Variants in HELZ observed in about 807,000 individuals in gnomAD.
HELZ encodes the protein helicase with zinc finger, also known as ATP-dependent RNA helicase with zinc finger domain.
HELZ carries 23 observed loss-of-function variants against 218.2 expected under a neutral mutation model. The observed-to-expected ratio is 0.11, with a 90% CI of 0.08 to 0.15. HELZ has a LOEUF of 0.15. Ranked by LOEUF, HELZ falls within the 10% of genes least tolerant of loss-of-function variation. The probability of loss-of-function intolerance (pLI) is 1.00; values close to 1 mark genes in which losing one functional copy is unlikely to be tolerated. For synonymous variants in HELZ, 814 were observed against 829.4 expected (o/e 0.98, Z 0.32); for missense variants, 1,813 against 2,353.7 (o/e 0.77, Z 4.75).
At chr17:67,152,764 A>AT (rs1238515826) in intron 17 of HELZ, among the ~76,000 whole-genome samples, 15 of 102,746 alleles carry the variant, frequency 1.5e-4, no homozygotes, top group Middle Eastern at 4.9e-3. Flanking sequence ...ATAAGAGTAG[A>AT]TTTAAAAAAA....
intron 12 of HELZ, among the ~76,000 whole-genome samples, chr17:67,183,882 A>G (rs1386641349): frequency 1.3e-5 from 2 of 152,126 alleles, no homozygotes; most frequent in African/African-American, 2.4e-5. Flanking sequence ...AAAAAGCAAA[A>G]CTAAAGTCAC....
At position 67,218,558 on chromosome 17, in the gene HELZ, A is replaced by G. The variant is rs190918917; in HGVS notation, c.210+37T>C. 19 of 1,484,716 alleles carry G rather than the reference A, an allele frequency of 1.3e-5. 1 individual carries two copies. The Middle Eastern group carries it at 5.1e-4, about 40-fold the overall frequency. The allele number at this position is 1,484,716 out of a possible 1,614,324, so 92.0% of individuals were successfully genotyped here. A position where few individuals can be genotyped will look rare whatever the true frequency, so the allele number is the denominator to read the frequency against. On this transcript the variant is annotated intron_variant, in intron 4 of 32. Transcript: ENST00000358691. ...CCCTCAATGAAAAAGGCCATTTTAC[A>G]TAGTTCAGCATTGGCTTATTGACAG...
chr17:67,147,432 C>T (rs2038534042), intron 20 of HELZ, among the ~76,000 whole-genome samples: 1 of 152,144 alleles, frequency 6.6e-6, no homozygotes, highest in Admixed American at 6.5e-5. Context: ...TCCTGCCTTC[C>T]TTTCACCTGC....
chr17:67,178,083 TCTAA>T (rs771522887), intron 13 of HELZ, among the ~76,000 whole-genome samples: 16 of 152,294 alleles, frequency 1.1e-4, no homozygotes, highest in South Asian at 2.1e-4. Flanking sequence ...CTTCCCTCAC[TCTAA>T]CTTTCTTTTC....
chr17:67,093,212 G>T (rs2036627639), intron 31 of HELZ, among the ~76,000 whole-genome samples: 1 of 152,102 alleles, frequency 6.6e-6, no homozygotes, highest in Non-Finnish European at 1.5e-5. Context: ...AAAGGAAAAA[G>T]CTCAGAATAA....
intron 12 of HELZ, among the ~76,000 whole-genome samples, chr17:67,182,164 A>G (rs7211764): frequency 0.087 from 13,235 of 152,212 alleles, 1,503 homozygotes; most frequent in African/African-American, 0.26. Context: ...AGAAGTGGCC[A>G]GGCGCAGTGG....
chr17:67,209,135 A>C (rs1364483558), intron 5 of HELZ, among the ~76,000 whole-genome samples: 1 of 146,308 alleles, frequency 6.8e-6, no homozygotes. Context: ...AAAAAAAAAA[A>C]CAACACTGGC....
At chr17:67,227,501 A>C (rs980223796) in intron 3 of HELZ, among the ~76,000 whole-genome samples, 4 of 152,146 alleles carry the variant, frequency 2.6e-5, no homozygotes, top group Non-Finnish European at 5.9e-5. Flanking sequence ...TGATTTTTTA[A>C]AACTACAAAG....
intron 10 of HELZ, 32 bp downstream of exon 10, chr17:67,190,125 A>G: frequency 5.1e-6 from 8 of 1,583,526 alleles, no homozygotes; most frequent in Non-Finnish European, 6.1e-6. Context: ...TGTTTAAGAC[A>G]AACAAAAAAT....
chr17:67,162,883 G>C (rs1372623432), intron 15 of HELZ, among the ~76,000 whole-genome samples: 1 of 152,166 alleles, frequency 6.6e-6, no homozygotes, highest in Non-Finnish European at 1.5e-5. Context: ...GCCCTACATA[G>C]TAGAGGAGGG....
chr17:67,201,114 C>A lies in HELZ; in HGVS notation c.429+15G>T, dbSNP rs1236736298. On this transcript the variant is annotated intron_variant, in intron 7 of 32. Coordinates refer to ENST00000358691, the MANE Select transcript of HELZ (RefSeq NM_014877.4). Reference sequence around the variant, plus strand: ...AGTCAAACTCTTCCAAACGGATCCACTGAAATGGCCTTACCTCTGTTTCTG... The same window carrying A: ...AGTCAAACTCTTCCAAACGGATCCAATGAAATGGCCTTACCTCTGTTTCTG... 1 of 1,570,540 alleles carries A rather than the reference C, an allele frequency of 6.4e-7. No homozygotes were observed. Among genetic ancestry groups the A allele is most frequent in the African/African-American group, 1.3e-5 (1 of 74,196 alleles).
chr17:67,222,881 C>T (rs777742158), intron 3 of HELZ, among the ~76,000 whole-genome samples: 31 of 152,080 alleles, frequency 2.0e-4, no homozygotes, highest in Admixed American at 5.2e-4. Flanking sequence ...CTGCCTAGGA[C>T]ACATCGATAC....
chr17:67,244,782 G>A (rs1437516713), intron 1 of HELZ: 3 of 985,336 alleles, frequency 3.0e-6, no homozygotes, highest in African/African-American at 1.7e-5. Flanking sequence ...ACCCGGAGGA[G>A]GGGAACGTGC....
At chr17:67,244,981 G>A (rs891546267) in intron 1 of HELZ, 167 bp downstream of exon 1, 70 of 985,718 alleles carry the variant, frequency 7.1e-5, no homozygotes, top group Non-Finnish European at 8.1e-5. Flanking sequence ...GCCTCGAAGA[G>A]CCGCGCTTCC....
Position 67,167,497 on chromosome 17 carries a change from T to C in HELZ, c.1730A>G (p.Glu577Gly). Reference protein sequence around the residue: ...IFLRLSRECCEELNLRPDCDT... With the variant: ...IFLRLSRECCGELNLRPDCDT... ...ACAGTCAGGCCGAAGATTAAGTTCTTCACAGCATTCCCTAGATAGCCTTAA... is the reference window on the plus strand; with the variant it reads ...ACAGTCAGGCCGAAGATTAAGTTCTCCACAGCATTCCCTAGATAGCCTTAA... Residue 577 changes from glutamate (E) to glycine (G), a missense_variant, in exon 14 of 33, where the codon GAA (glutamate) becomes GGA (glycine). Coordinates refer to ENST00000358691, the MANE Select transcript of HELZ (RefSeq NM_014877.4). The C allele has an allele frequency of 6.2e-7, 1 of 1,613,754 alleles. No individual in the cohort carries two copies. Among genetic ancestry groups the C allele is most frequent in the Non-Finnish European group, 8.5e-7 (1 of 1,179,752 alleles).
intron 21 of HELZ, among the ~76,000 whole-genome samples, chr17:67,141,078 G>C (rs1476021609): frequency 6.6e-6 from 1 of 152,082 alleles, no homozygotes; most frequent in Non-Finnish European, 1.5e-5. Context: ...AATACTAAAG[G>C]AAGTTCTTCA....
At chr17:67,209,219 A>C (rs1025388285) in intron 5 of HELZ, among the ~76,000 whole-genome samples, 1 of 151,962 alleles carries the variant, frequency 6.6e-6, no homozygotes, top group African/African-American at 2.4e-5. Context: ...CTGAGGCACA[A>C]TCTTTTTCAT....
intron 21 of HELZ, among the ~76,000 whole-genome samples, chr17:67,142,312 G>A (rs528369749): frequency 1.9e-4 from 29 of 152,194 alleles, no homozygotes; most frequent in African/African-American, 6.3e-4. Context: ...TTCAAGACCA[G>A]CCTGGGCAAC....
At chr17:67,213,248 G>C (rs1259264817) in intron 5 of HELZ, among the ~76,000 whole-genome samples, 2 of 152,144 alleles carry the variant, frequency 1.3e-5, no homozygotes, top group African/African-American at 4.8e-5. Context: ...ACACTGACAG[G>C]TTTCAGTGAC....
Sources: allele counts gnomAD v4.1 joint callset (sites outside exome capture counted in the v4.1 genomes callset), GRCh38; gene constraint gnomAD v4.1.1; transcripts MANE v1.5; gene names NCBI Gene and HGNC (gene_info 2026-07-23, HGNC 2026-07-21).